Variants in ETFB observed in about 807,000 individuals in gnomAD.
The protein encoded by ETFB is electron transfer flavoprotein subunit beta, also known as beta-ETF.
In ETFB, 20 loss-of-function variants were observed where a neutral mutation model predicts 25.6. The ratio of observed to expected loss-of-function variants is 0.78; its 90% CI spans 0.55 to 1.14. The LOEUF (loss-of-function observed/expected upper bound fraction) is 1.14, where lower values mean the gene tolerates loss of function less well. Among genes scored for constraint, ETFB ranks in the 50% most tolerant of loss-of-function variants. The pLI is 0.00. For missense variants in ETFB, 286 were observed against 342.6 expected (o/e 0.83, Z 1.30); for synonymous variants, 142 against 146.7 (o/e 0.97, Z 0.23).
chr19:51,350,002 G>A (rs929794468), intron 4 of ETFB, among the ~76,000 whole-genome samples: 3 of 152,048 alleles, frequency 2.0e-5, no homozygotes, highest in Non-Finnish European at 2.9e-5. Flanking sequence ...CACCTGCCTC[G>A]GCCTCCCAAA....
At chr19:51,350,522 T>A in intron 3 of ETFB, 131 bp from the exon 4 acceptor site, 2 of 642,156 alleles carry the variant, frequency 3.1e-6, no homozygotes. Flanking sequence ...TCTTGCTCTG[T>A]CACCCAGGCT....
intron 3 of ETFB, among the ~76,000 whole-genome samples, chr19:51,351,286 G>A (rs1479349999): frequency 6.6e-6 from 1 of 152,248 alleles, no homozygotes; most frequent in Non-Finnish European, 1.5e-5. Context: ...GGGGTCACTG[G>A]GCTGGTGGGA....
At chr19:51,350,833 T>C (rs1013215917) in intron 3 of ETFB, among the ~76,000 whole-genome samples, 2 of 152,244 alleles carry the variant, frequency 1.3e-5, no homozygotes, top group Non-Finnish European at 2.9e-5. Flanking sequence ...CTGCAGGTCA[T>C]ACGGTCTCTG....
intron 1 of ETFB, among the ~76,000 whole-genome samples, chr19:51,360,013 C>G (rs1343380317): frequency 2.7e-5 from 4 of 146,476 alleles, no homozygotes; most frequent in Non-Finnish European, 6.0e-5. Context: ...GACCTTGTCT[C>G]AAAAAGAAAA....
chr19:51,353,278 T>A lies in ETFB; in HGVS notation c.229A>T (p.Thr77Ser). ...CGGTCTGCACCCATGGCCAGGGCGG[T>A]ACGAATCGTCTCCTGCCAAGGACAG... ...GPAQCQETIRTALAMGADRGI... is the reference protein window; with the variant it reads ...GPAQCQETIRSALAMGADRGI... The change falls in exon 3 of 6, where the codon ACC becomes TCC. Residue 77 changes from threonine (T) to serine (S), a missense_variant. Thr to Ser is a moderately conservative substitution (Grantham distance 58, BLOSUM62 1). Transcript: ENST00000309244. 6.2e-7 allele frequency: 1 copy of A among 1,613,994 alleles called. No homozygotes were observed. The highest frequency in any genetic ancestry group is 8.5e-7 in the Non-Finnish European group (1 of 1,179,986).
intron 5 of ETFB, chr19:51,346,678 C>T: frequency 3.5e-6 from 2 of 569,450 alleles, no homozygotes; most frequent in Non-Finnish European, 3.1e-6. Flanking sequence ...GCCTAGATAC[C>T]AGCAAGCCCT....
Position 51,346,984 on chromosome 19 carries a change from C to G in ETFB, c.513G>C (p.Glu171Asp), listed in dbSNP as rs1245434105. Reference protein sequence around the residue: ...KVEREIDGGLETLRLKLPAVV... With the variant: ...KVEREIDGGLDTLRLKLPAVV... The stretch of plus-strand genomic sequence containing the variant: ...CAGCTGGCAGCTTCAGGCGCAGGGT[C>G]TCCAGGCCCCCATCGATCTCCCGCT... Residue 171 changes from glutamate to aspartate, a missense_variant, in exon 5 of 6, where the codon GAG becomes GAC. Physicochemically the swap from Glu to Asp is conservative, Grantham distance 45. Transcript: ENST00000309244. 1 of 1,611,122 alleles carries G rather than the reference C, an allele frequency of 6.2e-7. No individual in the cohort carries two copies. The highest frequency in any genetic ancestry group is 8.5e-7 in the Non-Finnish European group (1 of 1,178,886).
chr19:51,364,564 C>T (rs1192177186), intron 1 of ETFB, among the ~76,000 whole-genome samples: 1 of 152,172 alleles, frequency 6.6e-6, no homozygotes, highest in Non-Finnish European at 1.5e-5. Context: ...CAATCCCAGA[C>T]ATGCCAGGCG....
Position 51,366,255 on chromosome 19 carries a change from G to T in ETFB, c.57+15C>A. On this transcript the variant is annotated intron_variant, in intron 1 of 5. Transcript: ENST00000309244. ...CTGCGGGACTCAGGGATGTGGGAGAGGGGGGCCCGATCACCTTCACGGCGT... is the reference window on the plus strand; with the variant it reads ...CTGCGGGACTCAGGGATGTGGGAGATGGGGGCCCGATCACCTTCACGGCGT... 6.2e-7 allele frequency: 1 copy of T among 1,612,744 alleles called. No homozygotes were observed. The highest frequency in any genetic ancestry group is 8.5e-7 in the Non-Finnish European group (1 of 1,178,770).
At chr19:51,353,350 C>A in intron 2 of ETFB, 60 bp from the exon 3 acceptor site, 2 of 1,454,322 alleles carry the variant, frequency 1.4e-6, no homozygotes, top group South Asian at 1.2e-5. Context: ...AGGAGTCTGG[C>A]TCGCAGCCCC....
intron 4 of ETFB, among the ~76,000 whole-genome samples, chr19:51,349,230 G>A (rs911080798): frequency 6.6e-6 from 1 of 152,132 alleles, no homozygotes; most frequent in African/African-American, 2.4e-5. Flanking sequence ...AATATTAAAT[G>A]CATTCTCTCA....
At chr19:51,357,844 A>G (rs1986122136) in intron 1 of ETFB, among the ~76,000 whole-genome samples, 1 of 152,114 alleles carries the variant, frequency 6.6e-6, no homozygotes, top group African/African-American at 2.4e-5. Context: ...AAATTGGAAA[A>G]GGATGAGAGG....
At chr19:51,345,489 C>T in intron 5 of ETFB, 108 bp from the exon 6 acceptor site, 1 of 1,110,638 alleles carries the variant, frequency 9.0e-7, no homozygotes, top group Non-Finnish European at 1.3e-6. Context: ...TGGGCTGAAC[C>T]CTCTGGACCC....
intron 4 of ETFB, among the ~76,000 whole-genome samples, chr19:51,349,044 C>A (rs1264637563): frequency 1.3e-5 from 2 of 152,208 alleles, no homozygotes; most frequent in African/African-American, 4.8e-5. Flanking sequence ...AGTGTCCGTA[C>A]AACCATTCCG....
chr19:51,347,194 G>A, intron 4 of ETFB, 136 bp from the exon 5 acceptor site: 2 of 886,332 alleles, frequency 2.3e-6, no homozygotes, highest in East Asian at 2.6e-5. Context: ...GGTCCCATGA[G>A]GTTTAGAATC....
intron 3 of ETFB, 145 bp downstream of exon 3, chr19:51,352,987 G>T: frequency 2.1e-6 from 2 of 972,428 alleles, no homozygotes; most frequent in East Asian, 2.4e-5. Flanking sequence ...CTCTCTGTCA[G>T]AAGGGTCAGC....
chr19:51,351,975 G>A (rs952354918), intron 3 of ETFB, among the ~76,000 whole-genome samples: 1 of 151,902 alleles, frequency 6.6e-6, no homozygotes, highest in Non-Finnish European at 1.5e-5. Flanking sequence ...TGGCTCTTCT[G>A]ACGTCCCTCT....
At chr19:51,354,903 C>G (rs1033611178) in intron 1 of ETFB, 2 of 453,126 alleles carry the variant, frequency 4.4e-6, no homozygotes, top group Non-Finnish European at 4.1e-6. Flanking sequence ...ACATGGTGGT[C>G]TCTGTGGGAA....
chr19:51,353,170 C>T lies in ETFB; in HGVS notation c.337G>A (p.Glu113Lys). ...AGCACCAGGTCCACCTTCTCCTTCT[C>T]TGCCAGCTTGGCCAGGACCCGAGCC... ...QVARVLAKLA[E>K]KEKVDLVLLG... The change falls in exon 3 of 6, where the codon GAG becomes AAG. Residue 113 changes from glutamate (E) to lysine (K), a missense_variant. By Grantham distance (56) the Glu-to-Lys change is moderately conservative. Coordinates refer to ENST00000309244, the MANE Select transcript of ETFB (RefSeq NM_001985.3). The T allele has an allele frequency of 6.2e-7, 1 of 1,614,168 alleles. No individual in the cohort carries two copies. The highest frequency in any genetic ancestry group is 1.1e-5 in the South Asian group (1 of 91,086).
Sources: allele counts gnomAD v4.1 joint callset (sites outside exome capture counted in the v4.1 genomes callset), GRCh38; gene constraint gnomAD v4.1.1; transcripts MANE v1.5; gene names NCBI Gene and HGNC (gene_info 2026-07-23, HGNC 2026-07-21).